PEX7: variants seen among roughly 807,000 people sequenced by gnomAD.
PEX7 encodes PTS2 receptor.
Under a neutral mutation model 47.5 loss-of-function variants are expected in PEX7, and 34 were observed. The observed-to-expected ratio is 0.72, with a 90% CI of 0.54 to 0.95. PEX7 has a LOEUF of 0.95. Among genes scored for constraint, PEX7 ranks in the 40% least tolerant of loss-of-function variants. The pLI, the probability that PEX7 is intolerant of heterozygous loss-of-function variation, is 0.00. For missense variants in PEX7, 394 were observed against 400.3 expected (o/e 0.98, Z 0.13); for synonymous variants, 141 against 148.8 (o/e 0.95, Z 0.38).
intron 8 of PEX7, among the ~76,000 whole-genome samples, chr6:136,875,555 G>T (rs567960558): frequency 2.0e-5 from 3 of 152,132 alleles, no homozygotes; most frequent in Non-Finnish European, 4.4e-5. Context: ...TGAAATTTGG[G>T]GGAAGTGGAA....
At chr6:136,877,502 G>A (rs535295985) in intron 8 of PEX7, among the ~76,000 whole-genome samples, 2 of 152,308 alleles carry the variant, frequency 1.3e-5, no homozygotes, top group South Asian at 4.1e-4. Context: ...AAGGTGTAAG[G>A]AAGGTGTCCA....
At chr6:136,845,800 C>A in intron 4 of PEX7, 108 bp downstream of exon 4, 3 of 780,716 alleles carry the variant, frequency 3.8e-6, no homozygotes, top group Non-Finnish European at 6.7e-6. Context: ...GATTCGACAG[C>A]TGAGCTTTCT....
At chr6:136,867,670 C>T (rs886649302) in intron 6 of PEX7, among the ~76,000 whole-genome samples, 3 of 151,808 alleles carry the variant, frequency 2.0e-5, no homozygotes, top group South Asian at 4.2e-4. Flanking sequence ...CCCAGCTACT[C>T]GGGAGGCTGA....
At chr6:136,837,768 G>A (rs1179473243) in intron 3 of PEX7, among the ~76,000 whole-genome samples, 1 of 151,744 alleles carries the variant, frequency 6.6e-6, no homozygotes, top group African/African-American at 2.4e-5. Context: ...CCGAAGATGA[G>A]ACTATTGGAA....
chr6:136,841,576 G>GTTTGT (rs1202535288), intron 3 of PEX7, among the ~76,000 whole-genome samples: 1 of 152,074 alleles, frequency 6.6e-6, no homozygotes, highest in Admixed American at 6.6e-5. Flanking sequence ...TATGTTTATA[G>GTTTGT]TTTGTTTTGT....
intron 5 of PEX7, among the ~76,000 whole-genome samples, chr6:136,856,907 G>A (rs1774871884): frequency 6.6e-6 from 1 of 151,832 alleles, no homozygotes; most frequent in Non-Finnish European, 1.5e-5. Flanking sequence ...TTGTGAAATG[G>A]ATACAGTAAA....
At chr6:136,869,286 G>A (rs1775129986) in intron 6 of PEX7, among the ~76,000 whole-genome samples, 1 of 151,846 alleles carries the variant, frequency 6.6e-6, no homozygotes, top group Non-Finnish European at 1.5e-5. Flanking sequence ...GTGTCATCCA[G>A]GCTGAGGTAC....
chr6:136,829,250 A>G (rs1236747535), intron 3 of PEX7, among the ~76,000 whole-genome samples: 1 of 152,174 alleles, frequency 6.6e-6, no homozygotes, highest in Non-Finnish European at 1.5e-5. Context: ...GTGCCTTATA[A>G]AGAACAGAAA....
chr6:136,869,796 T>G (rs1182377335), intron 6 of PEX7, 94 bp from the exon 7 acceptor site: 7 of 919,276 alleles, frequency 7.6e-6, no homozygotes, highest in Non-Finnish European at 1.1e-5. Flanking sequence ...TATTAAATAG[T>G]TATCAGAAAG....
chr6:136,876,979 T>C (rs1172509728), intron 8 of PEX7, among the ~76,000 whole-genome samples: 5 of 152,244 alleles, frequency 3.3e-5, no homozygotes, highest in Non-Finnish European at 7.3e-5. Flanking sequence ...TTCGTATTTC[T>C]CCATATCCTC....
At position 136,825,244 on chromosome 6, in the gene PEX7, A is replaced by G. The variant is rs376679254; in HGVS notation, c.161A>G (p.Asp54Gly). ...GGAACCCTACTAATATTGGATCCAG[A>G]TGAAGCTGGGCTAAGGCTTTTTAGA... ...GCGTLLILDP[D>G]EAGLRLFRSF... Residue 54 changes from aspartate (D) to glycine (G), a missense_variant, in exon 2 of 10, where the codon GAT becomes GGT. Asp to Gly is a moderately conservative substitution (Grantham distance 94, BLOSUM62 -1). Transcript: ENST00000318471. 3 of 1,613,914 alleles carry G rather than the reference A, an allele frequency of 1.9e-6. No individual in the cohort carries two copies. The highest frequency in any genetic ancestry group is 8.5e-7 in the Non-Finnish European group (1 of 1,179,804).
intron 8 of PEX7, among the ~76,000 whole-genome samples, chr6:136,891,833 CAG>C (rs1775560880): frequency 6.6e-6 from 1 of 152,074 alleles, no homozygotes; most frequent in Non-Finnish European, 1.5e-5. Flanking sequence ...TTGGTAGAGA[CAG>C]GGTTTCATCA....
chr6:136,867,198 C>G (rs1775087162), intron 6 of PEX7, among the ~76,000 whole-genome samples: 2 of 152,068 alleles, frequency 1.3e-5, no homozygotes, highest in South Asian at 4.1e-4. Context: ...AGATAAGTGT[C>G]CATGTGCAAC....
chr6:136,836,168 C>T (rs1440064096), intron 3 of PEX7, among the ~76,000 whole-genome samples: 1 of 151,974 alleles, frequency 6.6e-6, no homozygotes, highest in Non-Finnish European at 1.5e-5. Flanking sequence ...AGTTTTGCTG[C>T]AAGCTAATAT....
At chr6:136,867,813 A>G (rs1211906184) in intron 6 of PEX7, among the ~76,000 whole-genome samples, 3 of 152,194 alleles carry the variant, frequency 2.0e-5, no homozygotes, top group African/African-American at 7.2e-5. Context: ...AACTTTAAAA[A>G]AAATTAGAAA....
intron 5 of PEX7, among the ~76,000 whole-genome samples, chr6:136,859,552 G>A (rs138145952): frequency 6.6e-6 from 1 of 151,988 alleles, no homozygotes; most frequent in South Asian, 2.1e-4. Flanking sequence ...AGAGGCACAA[G>A]GCATTTCGGT....
intron 3 of PEX7, among the ~76,000 whole-genome samples, chr6:136,826,959 A>G (rs1292251619): frequency 6.6e-6 from 1 of 152,244 alleles, no homozygotes; most frequent in African/African-American, 2.4e-5. Context: ...TCATGTGTCT[A>G]GATTTTGTGT....
intron 3 of PEX7, among the ~76,000 whole-genome samples, chr6:136,834,039 G>A (rs966461643): frequency 7.2e-5 from 11 of 152,160 alleles, no homozygotes; most frequent in African/African-American, 2.7e-4. Flanking sequence ...CAACCATTCC[G>A]TACAACATGA....
Position 136,899,405 on chromosome 6 carries a change from G to C in PEX7, c.903+1164G>C, listed in dbSNP as rs141771508. On this transcript the variant is annotated intron_variant, in intron 9 of 9. Transcript: ENST00000318471. ...TTACAGGCACATGCCACCATGCCTG[G>C]CTTATTTTTTGTATTTTTAGTAGAG... Among the ~76,000 whole-genome samples the C allele has an allele frequency of 2.0e-3, 305 of 152,208 alleles. 3 individuals are homozygous for C. The highest frequency in any genetic ancestry group is 6.6e-3 in the African/African-American group (276 of 41,534).
Sources: allele counts gnomAD v4.1 joint callset (sites outside exome capture counted in the v4.1 genomes callset), GRCh38; gene constraint gnomAD v4.1.1; transcripts MANE v1.5; gene names NCBI Gene and HGNC (gene_info 2026-07-23, HGNC 2026-07-21).